Variants in PCDH15 observed in about 807,000 individuals in gnomAD.
The protein encoded by PCDH15 is protocadherin-15.
In PCDH15, 129 loss-of-function variants were observed where a neutral mutation model predicts 178.5. The observed-to-expected ratio is 0.72, with a 90% CI of 0.63 to 0.84. The LOEUF (loss-of-function observed/expected upper bound fraction) is 0.84. Ranked by LOEUF, PCDH15 falls within the 40% of genes least tolerant of loss-of-function variation. The probability of loss-of-function intolerance (pLI) is 0.00; values close to 1 mark genes in which losing one functional copy is unlikely to be tolerated. For synonymous variants in PCDH15, 800 were observed against 732.0 expected (o/e 1.09, Z -1.50); for missense variants, 2,230 against 2,099.9 (o/e 1.06, Z -1.21).
At chr10:54,196,735 T>C (rs1020973620) in intron 10 of PCDH15, among the ~76,000 whole-genome samples, 1 of 151,994 alleles carries the variant, frequency 6.6e-6, no homozygotes, top group African/African-American at 2.4e-5. Flanking sequence ...ATTTGGAAGG[T>C]GATAAGGTGG....
At chr10:55,622,105 TTATA>T (rs1419437966) in intron 2 of PCDH15, among the ~76,000 whole-genome samples, 1 of 66,002 alleles carries the variant, frequency 1.5e-5, no homozygotes, top group Non-Finnish European at 3.2e-5. Context: ...TGTATATATA[TTATA>T]TATATCTATA....
chr10:54,422,013 A>C (rs1955589247), intron 3 of PCDH15, among the ~76,000 whole-genome samples: 1 of 148,974 alleles, frequency 6.7e-6, no homozygotes, highest in Admixed American at 6.8e-5. Context: ...TTAACTTTGC[A>C]GACAAAGTTG....
intron 1 of PCDH15, among the ~76,000 whole-genome samples, chr10:54,793,675 T>TAC (rs937229692): frequency 1.9e-4 from 28 of 148,680 alleles, no homozygotes; most frequent in African/African-American, 6.1e-4. Context: ...TATACATATA[T>TAC]ACACACATAT....
At chr10:53,820,312 A>AT in intron 32 of PCDH15, 82 bp from the exon 33 acceptor site, 1 of 395,742 alleles carries the variant, frequency 2.5e-6, no homozygotes, top group Non-Finnish European at 4.5e-6. Context: ...CGATGAAAAG[A>AT]TTTTGAAGCA....
chr10:55,251,619 C>A (rs1277088271), intron 1 of PCDH15, among the ~76,000 whole-genome samples: 1 of 152,092 alleles, frequency 6.6e-6, no homozygotes, highest in African/African-American at 2.4e-5. Context: ...TGGGCTATAA[C>A]AATGAAAACT....
At chr10:54,895,709 T>C (rs1162553094) in intron 3 of PCDH15, among the ~76,000 whole-genome samples, 1 of 152,214 alleles carries the variant, frequency 6.6e-6, no homozygotes, top group East Asian at 1.9e-4. Flanking sequence ...TCTGTTTTGG[T>C]TACTGATATT....
intron 6 of PCDH15, among the ~76,000 whole-genome samples, chr10:54,334,457 T>A (rs1940600077): frequency 1.3e-5 from 2 of 152,122 alleles, no homozygotes; most frequent in Admixed American, 1.3e-4. Context: ...AAACGGCAGC[T>A]CTCTGAAAGG....
At chr10:53,822,687 G>A in intron 32 of PCDH15, 2 of 1,614,076 alleles carry the variant, frequency 1.2e-6, no homozygotes, top group Non-Finnish European at 1.7e-6. Flanking sequence ...GAGTTCCACA[G>A]TTCTTGAAAC....
chr10:55,241,544 C>T (rs1424781115), intron 1 of PCDH15, among the ~76,000 whole-genome samples: 2 of 152,008 alleles, frequency 1.3e-5, no homozygotes, highest in Non-Finnish European at 2.9e-5. Context: ...CTTAGTCTCC[C>T]GAGTAGCTGA....
At chr10:54,330,489 GAT>G (rs1351941123) in intron 6 of PCDH15, among the ~76,000 whole-genome samples, 7 of 151,898 alleles carry the variant, frequency 4.6e-5, no homozygotes, top group African/African-American at 1.7e-4. Flanking sequence ...TTTGCTATGT[GAT>G]ATATCATTGA....
At chr10:54,539,836 A>G (rs1266443076) in intron 2 of PCDH15, among the ~76,000 whole-genome samples, 1 of 152,228 alleles carries the variant, frequency 6.6e-6, no homozygotes, top group African/African-American at 2.4e-5. Context: ...ATTAAAATAG[A>G]AACCTATAAC....
chr10:54,190,067 T>A (rs1394894455), intron 11 of PCDH15, among the ~76,000 whole-genome samples: 2 of 150,786 alleles, frequency 1.3e-5, no homozygotes, highest in Non-Finnish European at 3.0e-5. Context: ...TCTTTCTGAC[T>A]TAAAATCTAC....
intron 2 of PCDH15, among the ~76,000 whole-genome samples, chr10:54,653,409 G>A (rs1481140439): frequency 6.6e-6 from 1 of 152,176 alleles, no homozygotes; most frequent in Non-Finnish European, 1.5e-5. Context: ...TTTGGAGCCA[G>A]GATTCAGATC....
chr10:55,367,115 G>A (rs1046029144), intron 2 of PCDH15, among the ~76,000 whole-genome samples: 9 of 151,978 alleles, frequency 5.9e-5, no homozygotes, highest in African/African-American at 2.2e-4. Context: ...GGTTTGTGAG[G>A]TTTTCCCCTC....
At chr10:54,787,382 T>G (rs1354280108) in intron 1 of PCDH15, among the ~76,000 whole-genome samples, 1 of 152,004 alleles carries the variant, frequency 6.6e-6, no homozygotes, top group African/African-American at 2.4e-5. Flanking sequence ...ATTTTTCAAG[T>G]TTTGAACTTG....
At chr10:54,414,345 TG>T (rs1954004566) in intron 3 of PCDH15, among the ~76,000 whole-genome samples, 1 of 152,022 alleles carries the variant, frequency 6.6e-6, no homozygotes, top group African/African-American at 2.4e-5. Context: ...CAAACATTTT[TG>T]GAGGGTTTTG....
chr10:55,349,971 A>G (rs1844867780), intron 2 of PCDH15, among the ~76,000 whole-genome samples: 1 of 151,694 alleles, frequency 6.6e-6, no homozygotes, highest in South Asian at 2.1e-4. Flanking sequence ...ATTCCATGAT[A>G]TATATAATCT....
intron 2 of PCDH15, among the ~76,000 whole-genome samples, chr10:55,464,654 A>G (rs28367890): frequency 0.014 from 196 of 13,782 alleles, 3 homozygotes; most frequent in South Asian, 0.13. Context: ...ATATATATAT[A>G]TGTGTGTGTG....
At chr10:55,585,075 T>C (rs1842699134) in intron 2 of PCDH15, among the ~76,000 whole-genome samples, 1 of 151,572 alleles carries the variant, frequency 6.6e-6, no homozygotes, top group South Asian at 2.1e-4. Flanking sequence ...AATTAATTCC[T>C]TATATGTATA....
Sources: allele counts gnomAD v4.1 joint callset (sites outside exome capture counted in the v4.1 genomes callset), GRCh38; gene constraint gnomAD v4.1.1; transcripts MANE v1.5; gene names NCBI Gene and HGNC (gene_info 2026-07-23, HGNC 2026-07-21).